Variants in CAMK2G observed in about 807,000 individuals in gnomAD.
CAMK2G encodes the protein calcium/calmodulin dependent protein kinase II gamma.
Under a neutral mutation model 88.7 loss-of-function variants are expected in CAMK2G, and 23 were observed. The observed-to-expected ratio is 0.26, with a 90% confidence interval of 0.19 to 0.37. The LOEUF (loss-of-function observed/expected upper bound fraction) is 0.37. CAMK2G is among the 10% of genes least tolerant of loss of function. The pLI is 1.00. For synonymous variants in CAMK2G, 263 were observed against 294.8 expected (o/e 0.89, Z 1.11); for missense variants, 476 against 780.8 (o/e 0.61, Z 4.65).
rs1198716305 is a variant in CAMK2G, at chr10:73,820,663, A to ATTTTTTTT, written c.1249+1011_1249+1018dup. Among the ~76,000 whole-genome samples the ATTTTTTTT allele has an allele frequency of 7.4e-4, 34 of 46,126 alleles. 5 individuals are homozygous for ATTTTTTTT. The highest frequency in any genetic ancestry group is 4.4e-3 in the African/African-American group (32 of 7,198). The allele number at this position is 46,126 out of a possible 152,430, so 30.3% of individuals were successfully genotyped here. ...AGGACCCCGCCACCACACCCGGCTAATTTTTTTTTTTTTTTTTTTTTTTTT... is the reference window on the plus strand; with the variant it reads ...AGGACCCCGCCACCACACCCGGCTAATTTTTTTTTTTTTTTTTTTTTTTTTTTTTTTTT... On this transcript the variant is annotated intron_variant, in intron 18 of 22. Coordinates refer to ENST00000423381, the MANE Select transcript of CAMK2G (RefSeq NM_001367534.1).
chr10:73,831,344 C>G lies in CAMK2G; in HGVS notation c.1054-3223G>C, dbSNP rs966140761. Among the ~76,000 whole-genome samples, 8 of 151,662 alleles carry G rather than the reference C, an allele frequency of 5.3e-5. No individual in the cohort carries two copies. In the South Asian group the frequency reaches 1.7e-3, roughly 32 times the overall value. Reference sequence around the variant, plus strand: ...CACAAGGTCAGGAGATCGAGACCAGCCTGGCCAACATAGCAAAACCCCGTC... The same window carrying G: ...CACAAGGTCAGGAGATCGAGACCAGGCTGGCCAACATAGCAAAACCCCGTC... On this transcript the variant is annotated intron_variant, in intron 14 of 22. Coordinates refer to ENST00000423381, the MANE Select transcript of CAMK2G (RefSeq NM_001367534.1).
At chr10:73,859,391 T>C (rs527900832) in intron 3 of CAMK2G, among the ~76,000 whole-genome samples, 1 of 152,340 alleles carries the variant, frequency 6.6e-6, no homozygotes, top group South Asian at 2.1e-4. Flanking sequence ...TTTCAAAATG[T>C]GAAATCTCAT....
intron 3 of CAMK2G, among the ~76,000 whole-genome samples, chr10:73,860,214 C>T (rs1057510014): frequency 1.3e-5 from 2 of 152,220 alleles, no homozygotes; most frequent in African/African-American, 2.4e-5. Context: ...CAAACCTCCT[C>T]AGGCTTTAGC....
At chr10:73,843,927 GGA>G (rs776639731) in intron 10 of CAMK2G, among the ~76,000 whole-genome samples, 1 of 152,066 alleles carries the variant, frequency 6.6e-6, no homozygotes, top group Non-Finnish European at 1.5e-5. Flanking sequence ...AGTCTCAGGG[GGA>G]TCATGGTCAT....
chr10:73,823,559 CCACCCACCGTTTGAACAGAT>C (rs1356780217), intron 17 of CAMK2G, among the ~76,000 whole-genome samples: 2 of 152,194 alleles, frequency 1.3e-5, no homozygotes, highest in Middle Eastern at 3.4e-3. Context: ...GCCTCCCATC[CCACCCACCGTTTGAACAGAT>C]AATTTGTCTT....
In CAMK2G at chr10:73,816,006, G is replaced by C. The variant is rs1329214855; in HGVS notation, c.1535-759C>G. ...GGCTAATAGAATTACTTAGATAACA[G>C]AGAGTTTATATATGTAGCTGAGATG... On this transcript the variant is annotated intron_variant, in intron 21 of 22. Transcript: ENST00000423381. 7 of 985,134 alleles carry C rather than the reference G, an allele frequency of 7.1e-6. No individual in the cohort carries two copies. The African/African-American group carries it at 1.2e-4, about 17-fold the overall frequency. The allele number at this position is 985,134 out of a possible 1,614,324, so 61.0% of individuals were successfully genotyped here. A position where few individuals can be genotyped will look rare whatever the true frequency, so the allele number is the denominator to read the frequency against.
chr10:73,841,219 G>A (rs1164934076), intron 12 of CAMK2G, among the ~76,000 whole-genome samples: 1 of 152,308 alleles, frequency 6.6e-6, no homozygotes, highest in East Asian at 1.9e-4. Context: ...ATTCAGAAGT[G>A]GCTCCCACTG....
intron 1 of CAMK2G, chr10:73,873,307 C>T: frequency 1.5e-6 from 2 of 1,341,674 alleles, no homozygotes; most frequent in Non-Finnish European, 1.9e-6. Context: ...GCTCCCACCC[C>T]CTCATCCAGT....
In CAMK2G at chr10:73,814,294, T is replaced by C. The variant is rs997882439; in HGVS notation, c.*224A>G. 3 of 151,748 alleles carry C rather than the reference T, an allele frequency of 2.0e-5. No individual in the cohort carries two copies. Among genetic ancestry groups the C allele is most frequent in the Non-Finnish European group, 4.4e-5 (3 of 67,902 alleles). 9.4% of individuals were successfully genotyped at this position (151,748 alleles called of 1,614,324 possible). On this transcript the variant is annotated 3_prime_UTR_variant, in exon 23 of 23. Transcript: ENST00000423381. The stretch of plus-strand genomic sequence containing the variant: ...TTTAAACAATCTTTTTTTCTTTTTT[T>C]TTTTTCTTAAATGTAAAAAACACCT...
intron 3 of CAMK2G, 92 bp downstream of exon 3, chr10:73,860,734 CACAG>C: frequency 1.1e-6 from 1 of 897,872 alleles, no homozygotes. Flanking sequence ...GGTGAAGGTC[CACAG>C]ACAGAGGTGA....
chr10:73,872,234 C>T (rs2095857864), intron 2 of CAMK2G, among the ~76,000 whole-genome samples: 1 of 152,160 alleles, frequency 6.6e-6, no homozygotes, highest in African/African-American at 2.4e-5. Flanking sequence ...AGGCCCTGAC[C>T]CTCCAAGCCT....
intron 3 of CAMK2G, among the ~76,000 whole-genome samples, chr10:73,860,487 C>T (rs1183053695): frequency 1.3e-5 from 2 of 152,148 alleles, no homozygotes; most frequent in African/African-American, 4.8e-5. Flanking sequence ...TGTGGATGGC[C>T]CCTGGTGAGG....
At chr10:73,820,492 A>ATTTTTTTT (rs1166533591) in intron 18 of CAMK2G, among the ~76,000 whole-genome samples, 10 of 51,052 alleles carry the variant, frequency 2.0e-4, no homozygotes, top group African/African-American at 8.0e-4. Flanking sequence ...ATATATATAT[A>ATTTTTTTT]TTTTTTTTTT....
At chr10:73,820,484 ATATATATATT>A (rs1398739518) in intron 18 of CAMK2G, among the ~76,000 whole-genome samples, 942 of 36,056 alleles carry the variant, frequency 0.026, 14 homozygotes, top group African/African-American at 0.087. Context: ...ATATATATAT[ATATATATATT>A]TTTTTTTTTT....
At chr10:73,823,730 A>C (rs1230664421) in intron 17 of CAMK2G, among the ~76,000 whole-genome samples, 1 of 152,198 alleles carries the variant, frequency 6.6e-6, no homozygotes, top group African/African-American at 2.4e-5. Context: ...CTATTTTTTC[A>C]GTGAACGTTT....
At position 73,849,140 on chromosome 10, in the gene CAMK2G, T is replaced by A. The variant is rs199637945; in HGVS notation, c.415-25A>T. 1,789 of 1,598,996 alleles carry A rather than the reference T, an allele frequency of 1.1e-3. 2 individuals are homozygous for A. Among genetic ancestry groups the A allele is most frequent in the Middle Eastern group, 1.5e-3 (9 of 6,028 alleles). ...GCTGCAGAAGAAACACAGAGAACCT[T>A]GTGAGCACCCACCCTGCAGCCCAGA... On this transcript the variant is annotated intron_variant, in intron 6 of 22. Coordinates refer to ENST00000423381, the MANE Select transcript of CAMK2G (RefSeq NM_001367534.1).
At chr10:73,844,962 C>T (rs1167579649) in intron 10 of CAMK2G, among the ~76,000 whole-genome samples, 1 of 152,166 alleles carries the variant, frequency 6.6e-6, no homozygotes, top group Non-Finnish European at 1.5e-5. Flanking sequence ...TGTTTCTTAG[C>T]TTCTGGGTCT....
chr10:73,869,701 C>T (rs1314622646), intron 2 of CAMK2G, among the ~76,000 whole-genome samples: 3 of 152,238 alleles, frequency 2.0e-5, no homozygotes, highest in African/African-American at 7.2e-5. Flanking sequence ...CTCTCAGGTC[C>T]TCACAAAGAG....
rs780866920 is a variant in CAMK2G at position 73,874,446 on chromosome 10, T to G, written c.16A>C (p.Thr6Pro). The G allele has an allele frequency of 3.3e-6, 5 of 1,519,606 alleles. No homozygotes were observed. Among genetic ancestry groups the G allele is most frequent in the Non-Finnish European group, 4.4e-6 (5 of 1,124,972 alleles). 94.1% of individuals were successfully genotyped at this position (1,519,606 alleles called of 1,614,324 possible). A position where few individuals can be genotyped will look rare whatever the true frequency, so the allele number is the denominator to read the frequency against. MATTATCTRFTDDYQL... is the reference protein window; with the variant it reads MATTAPCTRFTDDYQL... ...TAGTCGTCGGTGAAACGGGTGCAGG[T>G]GGCGGTGGTGGCCATGCTGGCGGGC... The change falls in exon 1 of 23, where the codon ACC becomes CCC. Residue 6 changes from threonine (T) to proline (P), a missense_variant. Transcript: ENST00000423381.
Sources: gnomAD v4.1 joint callset for allele counts (sites outside exome capture counted in the v4.1 genomes callset) on GRCh38, gnomAD v4.1.1 for gene constraint, MANE v1.5 for transcripts, NCBI Gene and HGNC (gene_info 2026-07-23, HGNC 2026-07-21) for gene names.